MYO10: variants seen among roughly 807,000 people sequenced by gnomAD.
The protein encoded by MYO10 is myosin X, also known as unconventional myosin-X.
MYO10 carries 133 observed loss-of-function variants against 257.3 expected under a neutral mutation model. The observed-to-expected ratio is 0.52, with a 90% CI of 0.45 to 0.60. The LOEUF (loss-of-function observed/expected upper bound fraction) is 0.60, where lower values mean the gene tolerates loss of function less well. Among genes scored for constraint, MYO10 ranks in the 20% least tolerant of loss-of-function variants. MYO10 has a pLI of 0.00. For synonymous variants in MYO10, 1,104 were observed against 1,028.6 expected, an observed-to-expected ratio of 1.07 and a Z score of -1.40; for missense variants, 2,399 against 2,635.7, an observed-to-expected ratio of 0.91 and a Z score of 1.97.
At position 16,889,907 on chromosome 5, in the gene MYO10, G is replaced by A. The variant is rs1240315694; in HGVS notation, c.22-12200C>T. ...AGAATCATTTTTGTGGGGAGAGGGG[G>A]AGAGAAATGCCTACAAATAAACAAA... is the stretch of plus-strand genomic sequence containing the variant. On this transcript the variant is annotated intron_variant, in intron 1 of 40. Transcript: ENST00000513610. Among the ~76,000 whole-genome samples, 3 of 151,642 alleles carry A rather than the reference G, an allele frequency of 2.0e-5. 1 individual carries two copies. The highest frequency in any genetic ancestry group is 7.3e-5 in the African/African-American group (3 of 40,994).
rs140624565 is a variant in MYO10, at chr5:16,926,431, G to A, written c.21+9357C>T. On this transcript the variant is annotated intron_variant, in intron 1 of 40. Coordinates refer to ENST00000513610, the MANE Select transcript of MYO10 (RefSeq NM_012334.3). ...GAAAAGAACAATCTGGCCAGGTGGGGTGGCTCACGCCTGTAATCCCAGAAC... is the reference window on the plus strand; with the variant it reads ...GAAAAGAACAATCTGGCCAGGTGGGATGGCTCACGCCTGTAATCCCAGAAC... Among the ~76,000 whole-genome samples, 538 of 152,228 alleles carry A rather than the reference G, an allele frequency of 3.5e-3. 3 individuals are homozygous for A. Among genetic ancestry groups the A allele is most frequent in the African/African-American group, 0.012 (513 of 41,532 alleles).
At chr5:16,826,621 T>G (rs1431883179) in intron 2 of MYO10, among the ~76,000 whole-genome samples, 1 of 152,200 alleles carries the variant, frequency 6.6e-6, no homozygotes. Context: ...GTGTGCGTTC[T>G]CCATGTTTTA....
intron 30 of MYO10, among the ~76,000 whole-genome samples, chr5:16,682,667 C>T (rs1737060475): frequency 6.6e-6 from 1 of 152,128 alleles, no homozygotes; most frequent in African/African-American, 2.4e-5. Flanking sequence ...AGAATGTGAA[C>T]TCTTTCTTGC....
chr5:16,681,802 G>A (rs927546358), intron 31 of MYO10, 69 bp downstream of exon 31: 6 of 1,512,854 alleles, frequency 4.0e-6, no homozygotes, highest in Non-Finnish European at 5.4e-6. Flanking sequence ...TGAAAATGCT[G>A]CAGATGTCTA....
intron 1 of MYO10, among the ~76,000 whole-genome samples, chr5:16,880,493 A>G (rs1744727973): frequency 6.6e-6 from 1 of 152,118 alleles, no homozygotes; most frequent in Non-Finnish European, 1.5e-5. Flanking sequence ...TCCCTGGTAC[A>G]TGCTATGGAG....
intron 3 of MYO10, 121 bp from the exon 4 acceptor site, chr5:16,794,954 C>T (rs573598465): frequency 4.2e-4 from 291 of 685,136 alleles, no homozygotes; most frequent in Non-Finnish European, 5.8e-4. Flanking sequence ...CGGGTGCACA[C>T]TGTCCCTGCC....
intron 4 of MYO10, among the ~76,000 whole-genome samples, chr5:16,793,312 A>C (rs1741826160): frequency 6.6e-6 from 1 of 152,174 alleles, no homozygotes; most frequent in African/African-American, 2.4e-5. Context: ...GTTAATAATA[A>C]AAATTAAGAA....
chr5:16,877,643 T>G lies in MYO10; in HGVS notation c.86A>C (p.Glu29Ala). 7 of 1,613,880 alleles carry G rather than the reference T, an allele frequency of 4.3e-6. No individual in the cohort carries two copies. Among genetic ancestry groups the G allele is most frequent in the Non-Finnish European group, 5.9e-6 (7 of 1,179,838 alleles). ...HFPSTVNSCA[E>A]GIVVFRTDYG... ...GTCTGTCCGGAAGACGACGATGCCT[T>G]CTGCACAGGAATTTACAGTACTTGG... The change falls in exon 2 of 41, where the codon GAA becomes GCA. Residue 29 changes from glutamate to alanine, a missense_variant. Physicochemically the swap from Glu to Ala is moderately radical, Grantham distance 107. Transcript: ENST00000513610.
At chr5:16,825,368 C>G (rs982318801) in intron 2 of MYO10, among the ~76,000 whole-genome samples, 1 of 152,190 alleles carries the variant, frequency 6.6e-6, no homozygotes, top group Non-Finnish European at 1.5e-5. Context: ...CACACGCCCA[C>G]CCTGGAACCT....
At chr5:16,823,273 C>T (rs1317196484) in intron 2 of MYO10, among the ~76,000 whole-genome samples, 6 of 149,196 alleles carry the variant, frequency 4.0e-5, no homozygotes, top group South Asian at 2.2e-4. Context: ...GGTGAAATCC[C>T]GTCACTACTA....
chr5:16,881,981 G>A (rs16869212), intron 1 of MYO10, among the ~76,000 whole-genome samples: 20,771 of 152,188 alleles, frequency 0.14, 2,604 homozygotes, highest in African/African-American at 0.33. Flanking sequence ...ATAAGCAGGT[G>A]GAACAAGTTT....
chr5:16,914,643 C>T (rs1745766061), intron 1 of MYO10, among the ~76,000 whole-genome samples: 1 of 152,230 alleles, frequency 6.6e-6, no homozygotes, highest in Non-Finnish European at 1.5e-5. Context: ...ATGCCTTCCA[C>T]TGGGTACCCC....
At chr5:16,820,104 G>A (rs533961511) in intron 2 of MYO10, among the ~76,000 whole-genome samples, 1 of 152,366 alleles carries the variant, frequency 6.6e-6, no homozygotes, top group South Asian at 2.1e-4. Context: ...CAGGGTAGAA[G>A]TGCTTCGCAC....
In MYO10 at chr5:16,679,996, G is replaced by C. The variant is rs371944811; in HGVS notation, c.4493C>G (p.Thr1498Ser). 10 of 1,613,812 alleles carry C rather than the reference G, an allele frequency of 6.2e-6. No individual in the cohort carries two copies. The African/African-American group carries it at 6.7e-5, about 11-fold the overall frequency. The change falls in exon 33 of 41, where the codon ACC becomes AGC. Residue 1498 changes from threonine to serine, a missense_variant. Thr to Ser is a moderately conservative substitution (Grantham distance 58). This residue lies in a region of MYO10 where 1,820 missense variants were observed against 1,939.4 expected (regional missense o/e 0.94). Transcript: ENST00000513610. Reference sequence around the variant, plus strand: ...GGTGGGGGTGTCGATCGGGGCCTTGGTGTCAGTCACGTTTTGAATGGCACT... The same window carrying C: ...GGTGGGGGTGTCGATCGGGGCCTTGCTGTCAGTCACGTTTTGAATGGCACT... ...WSSAIQNVTD[T>S]KAPIDTPTQQ...
intron 21 of MYO10, among the ~76,000 whole-genome samples, chr5:16,705,235 T>C (rs541969864): frequency 9.8e-5 from 15 of 152,348 alleles, no homozygotes; most frequent in Admixed American, 9.1e-4. Context: ...ACTCAAAATA[T>C]TGACGTTAAG....
At chr5:16,839,717 G>A (rs972461353) in intron 2 of MYO10, among the ~76,000 whole-genome samples, 3 of 151,960 alleles carry the variant, frequency 2.0e-5, no homozygotes, top group African/African-American at 7.3e-5. Flanking sequence ...CTCCCACCTG[G>A]GTGACAGAGT....
At chr5:16,703,865 A>T (rs906391270) in intron 22 of MYO10, among the ~76,000 whole-genome samples, 1 of 128,418 alleles carries the variant, frequency 7.8e-6, no homozygotes, top group Non-Finnish European at 1.6e-5. Context: ...CAGACGAGCG[A>T]GCGAGACTCT....
intron 1 of MYO10, among the ~76,000 whole-genome samples, chr5:16,897,390 C>T (rs1219260148): frequency 1.3e-5 from 2 of 152,012 alleles, no homozygotes; most frequent in East Asian, 3.8e-4. Flanking sequence ...CCACAGCATC[C>T]TAGTCCAAGA....
chr5:16,670,699 C>G lies in MYO10; in HGVS notation c.5710G>C (p.Glu1904Gln). The change falls in exon 39 of 41, where the codon GAG (glutamate) becomes CAG (glutamine). Residue 1904 changes from glutamate to glutamine, a missense_variant. Coordinates refer to ENST00000513610, the MANE Select transcript of MYO10 (RefSeq NM_012334.3). ...RTGSVVRQKV[E>Q]EEQMLDMWIK... ...CACATGTCCAGCATCTGCTCCTCCT[C>G]GACCTTCTGCCGGACCACGGATCCT... 1 of 1,614,042 alleles carries G rather than the reference C, an allele frequency of 6.2e-7. No individual in the cohort carries two copies. The highest frequency in any genetic ancestry group is 8.5e-7 in the Non-Finnish European group (1 of 1,179,894).
Sources: allele counts gnomAD v4.1 joint callset (sites outside exome capture counted in the v4.1 genomes callset), GRCh38; gene constraint gnomAD v4.1.1; regional missense constraint gnomAD v4.1.1; transcripts MANE v1.5; gene names NCBI Gene and HGNC (gene_info 2026-07-23, HGNC 2026-07-21).